Variants in SHROOM3 observed in about 807,000 individuals in gnomAD.
SHROOM3 encodes the protein protein Shroom3.
In SHROOM3, 47 loss-of-function variants were observed where a neutral mutation model predicts 138.6. The ratio of observed to expected loss-of-function variants is 0.34; its 90% confidence interval spans 0.27 to 0.43. The LOEUF (loss-of-function observed/expected upper bound fraction) is 0.43, where lower values mean the gene tolerates loss of function less well. SHROOM3 is among the 20% of genes least tolerant of loss of function. SHROOM3 has a pLI of 1.00. For synonymous variants in SHROOM3, 1,062 were observed against 1,063.3 expected (o/e 1.00, Z 0.02); for missense variants, 2,491 against 2,596.5 (o/e 0.96, Z 0.88).
At chr4:76,599,325 G>A (rs1415398131) in intron 2 of SHROOM3, among the ~76,000 whole-genome samples, 1 of 152,142 alleles carries the variant, frequency 6.6e-6, no homozygotes, top group East Asian at 1.9e-4. Flanking sequence ...CAGAGAATGA[G>A]CAATTGATAT....
chr4:76,762,014 G>C (rs542066924), intron 9 of SHROOM3, among the ~76,000 whole-genome samples: 2 of 152,270 alleles, frequency 1.3e-5, no homozygotes, highest in East Asian at 3.9e-4. Flanking sequence ...CGAGTCTATG[G>C]CCTTGCTATC....
intron 2 of SHROOM3, among the ~76,000 whole-genome samples, chr4:76,634,380 A>G (rs1735431176): frequency 6.6e-6 from 1 of 152,178 alleles, no homozygotes; most frequent in African/African-American, 2.4e-5. Flanking sequence ...TGTTGTTCTA[A>G]TCTGAAAATG....
rs141239704 is a variant in SHROOM3, at chr4:76,555,678, A to G, written c.238A>G (p.Asn80Asp). 1 of 1,614,064 alleles carries G rather than the reference A, an allele frequency of 6.2e-7. No individual in the cohort carries two copies. Among genetic ancestry groups the G allele is most frequent in the Non-Finnish European group, 8.5e-7 (1 of 1,179,994 alleles). Residue 80 changes from asparagine (N) to aspartate (D), a missense_variant, in exon 2 of 11, where the codon AAT becomes GAT. By Grantham distance (23) the Asn-to-Asp change is conservative. Transcript: ENST00000296043. ...GGCTGGGGATGAGGTTGTGCACATC[A>G]ATGAGGTGACTCTGAGCAGCTCCAG... Reference protein sequence around the residue: ...LQAGDEVVHINEVTLSSSRKE... With the variant: ...LQAGDEVVHIDEVTLSSSRKE...
At chr4:76,546,906 G>A (rs1212150894) in intron 1 of SHROOM3, among the ~76,000 whole-genome samples, 2 of 152,258 alleles carry the variant, frequency 1.3e-5, no homozygotes, top group East Asian at 3.9e-4. Context: ...ATAAAAAGTT[G>A]GCTAAATTCT....
At chr4:76,471,091 A>G (rs1180153430) in intron 1 of SHROOM3, among the ~76,000 whole-genome samples, 1 of 152,054 alleles carries the variant, frequency 6.6e-6, no homozygotes, top group Non-Finnish European at 1.5e-5. Flanking sequence ...ATAAAACCTC[A>G]CTTATTTTCA....
intron 1 of SHROOM3, among the ~76,000 whole-genome samples, chr4:76,536,009 A>T (rs4859690): frequency 2.6e-5 from 4 of 152,076 alleles, no homozygotes; most frequent in African/African-American, 4.8e-5. Context: ...ATCCAGACCC[A>T]GCGCTTTCTC....
intron 2 of SHROOM3, chr4:76,688,956 G>A: frequency 1.1e-6 from 1 of 941,318 alleles, no homozygotes; most frequent in Non-Finnish European, 1.3e-6. Flanking sequence ...TCCTTGTAAT[G>A]CGAGCTTTTT....
intron 1 of SHROOM3, among the ~76,000 whole-genome samples, chr4:76,553,105 G>A (rs921573174): frequency 6.6e-6 from 1 of 152,078 alleles, no homozygotes; most frequent in Admixed American, 6.6e-5. Flanking sequence ...ATGTAAAGCA[G>A]GTGTTGAATA....
chr4:76,644,839 C>T (rs1194816082), intron 2 of SHROOM3, among the ~76,000 whole-genome samples: 1 of 152,016 alleles, frequency 6.6e-6, no homozygotes, highest in Non-Finnish European at 1.5e-5. Context: ...CATTTTTGTT[C>T]CTTTTGTGTC....
intron 1 of SHROOM3, among the ~76,000 whole-genome samples, chr4:76,456,031 A>G (rs1731020662): frequency 6.6e-6 from 1 of 152,146 alleles, no homozygotes; most frequent in African/African-American, 2.4e-5. Flanking sequence ...TTTTTGAGAC[A>G]GAGTCTCACT....
intron 2 of SHROOM3, among the ~76,000 whole-genome samples, chr4:76,669,938 T>C (rs1718829016): frequency 6.6e-6 from 1 of 152,228 alleles, no homozygotes; most frequent in South Asian, 2.1e-4. Flanking sequence ...CATAGGCACT[T>C]GCCCCAGACT....
At chr4:76,540,817 C>G (rs1462773217) in intron 1 of SHROOM3, among the ~76,000 whole-genome samples, 2 of 152,070 alleles carry the variant, frequency 1.3e-5, no homozygotes, top group Admixed American at 6.5e-5. Context: ...AAAACTAAAG[C>G]CTAACTATTT....
chr4:76,632,348 C>T (rs535213013), intron 2 of SHROOM3, among the ~76,000 whole-genome samples: 2 of 152,158 alleles, frequency 1.3e-5, no homozygotes, highest in Non-Finnish European at 2.9e-5. Context: ...ATATCAACCT[C>T]ATGAGGAGAT....
intron 2 of SHROOM3, among the ~76,000 whole-genome samples, chr4:76,659,910 AG>A (rs1736147005): frequency 6.6e-6 from 1 of 152,210 alleles, no homozygotes; most frequent in African/African-American, 2.4e-5. Flanking sequence ...AAACAAGAAA[AG>A]ATGGGTTCAT....
In SHROOM3 at chr4:76,741,172, C is replaced by T. The variant is rs1307698978; in HGVS notation, c.2999C>T (p.Pro1000Leu). 6.9e-6 allele frequency: 11 copies of T among 1,586,278 alleles called. No individual in the cohort carries two copies. The highest frequency in any genetic ancestry group is 9.4e-6 in the Non-Finnish European group (11 of 1,167,598). Residue 1000 changes from proline (P) to leucine (L), a missense_variant, in exon 5 of 11, where the codon CCC becomes CTC. Pro to Leu is a moderately conservative substitution (Grantham distance 98). Transcript: ENST00000296043. This position sits in a 1 kb window ranked among gnomAD's most constrained non-coding sequence, Gnocchi z 6.2. ...PAEGDLARPV[P>L]PAARRGARRR... is the part of the protein sequence containing the mutation. ...GAGGGCGACCTGGCCAGGCCCGTGC[C>T]CCCTGCCGCCCGGAGAGGTGCTCGC...
chr4:76,481,762 T>C (rs1560519560), intron 1 of SHROOM3, among the ~76,000 whole-genome samples: 1 of 152,180 alleles, frequency 6.6e-6, no homozygotes, highest in African/African-American at 2.4e-5. Context: ...AATAAAATAC[T>C]GACAAACCCC....
Position 76,740,349 on chromosome 4 carries a change from G to A in SHROOM3, c.2176G>A (p.Glu726Lys), listed in dbSNP as rs1195051559. 1 of 1,613,074 alleles carries A rather than the reference G, an allele frequency of 6.2e-7. No individual in the cohort carries two copies. Among genetic ancestry groups the A allele is most frequent in the Non-Finnish European group, 8.5e-7 (1 of 1,180,008 alleles). ...CCGGCAGGTTTCCTACCCGCGGCCC[G>A]AGGGGAGGACCGGTGCCTCGGCTTC... The part of the protein sequence containing the change: ...LDRQVSYPRP[E>K]GRTGASASFN... The change falls in exon 5 of 11, where the codon GAG becomes AAG. Residue 726 changes from glutamate to lysine, a missense_variant. By Grantham distance (56) the Glu-to-Lys change is moderately conservative. This residue lies in a region of SHROOM3 where 1,733 missense variants were observed against 1,661.6 expected (regional missense o/e 1.04). Transcript: ENST00000296043. This position sits in a 1 kb window ranked among gnomAD's most constrained non-coding sequence, Gnocchi z 4.0.
At chr4:76,628,296 T>C (rs72661451) in intron 2 of SHROOM3, among the ~76,000 whole-genome samples, 13,150 of 152,232 alleles carry the variant, frequency 0.086, 597 homozygotes, top group East Asian at 0.14. Context: ...ACTAGATTTT[T>C]CCCTGTTTCT....
intron 3 of SHROOM3, chr4:76,716,521 A>G (rs962027120): frequency 2.2e-6 from 1 of 447,578 alleles, no homozygotes; most frequent in African/African-American, 2.0e-5. Flanking sequence ...CTGTTTATAA[A>G]GAAAAATAAC....
Sources: gnomAD v4.1 joint callset for allele counts (sites outside exome capture counted in the v4.1 genomes callset) on GRCh38, gnomAD v4.1.1 for gene constraint, gnomAD v4.1.1 regional missense constraint, Gnocchi (gnomAD v3.1) non-coding constraint, MANE v1.5 for transcripts, NCBI Gene and HGNC (gene_info 2026-07-23, HGNC 2026-07-21) for gene names.